Variants in KIRREL1 observed in about 807,000 individuals in gnomAD.
KIRREL1 encodes the protein kirre like nephrin family adhesion molecule 1.
Under a neutral mutation model 83.3 loss-of-function variants are expected in KIRREL1, and 25 were observed. The observed-to-expected ratio is 0.30, with a 90% confidence interval of 0.22 to 0.42. The LOEUF (loss-of-function observed/expected upper bound fraction) is 0.42, where lower values mean the gene tolerates loss of function less well. Among genes scored for constraint, KIRREL1 ranks in the 10% least tolerant of loss-of-function variants. KIRREL1 has a pLI of 1.00. For missense variants in KIRREL1, 812 were observed against 1,032.3 expected (o/e 0.79, Z 2.92); for synonymous variants, 388 against 410.4 (o/e 0.95, Z 0.66).
intron 1 of KIRREL1, among the ~76,000 whole-genome samples, chr1:158,068,501 T>C (rs1304254702): frequency 6.6e-6 from 1 of 152,226 alleles, no homozygotes; most frequent in Non-Finnish European, 1.5e-5. Flanking sequence ...CCGCAGTAGC[T>C]GGGCAGGCAC....
At chr1:158,026,504 A>C (rs1557993747) in intron 1 of KIRREL1, among the ~76,000 whole-genome samples, 1 of 152,206 alleles carries the variant, frequency 6.6e-6, no homozygotes. Context: ...GGAAAAGTGG[A>C]AACAACATGG....
At chr1:158,082,972 A>T (rs1380890585) in intron 3 of KIRREL1, among the ~76,000 whole-genome samples, 1 of 152,104 alleles carries the variant, frequency 6.6e-6, no homozygotes, top group Admixed American at 6.5e-5. Context: ...CCTTTATTTC[A>T]TCAGTATCCA....
In KIRREL1 at chr1:158,091,465, T is replaced by C. The variant is rs778182648; in HGVS notation, c.1380T>C (p.Asn460=). The C allele has an allele frequency of 6.2e-7, 1 of 1,614,192 alleles. No homozygotes were observed. Among genetic ancestry groups the C allele is most frequent in the Non-Finnish European group, 8.5e-7 (1 of 1,180,026 alleles). Residue 460 remains asparagine, a synonymous_variant, in exon 11 of 15, where the codon AAT becomes AAC. Coordinates refer to ENST00000359209, the MANE Select transcript of KIRREL1 (RefSeq NM_018240.7). Reference sequence around the variant, plus strand: ...TGCTATCCACGCTCACCATCAACAATGTCATGGAGGCCGACTTTCAGACTC... The same window carrying C: ...TGCTATCCACGCTCACCATCAACAACGTCATGGAGGCCGACTTTCAGACTC... The part of the protein sequence containing the change: ...SGVLSTLTIN[N]VMEADFQTHY...
Position 158,018,476 on chromosome 1 carries a change from G to A in KIRREL1, c.52+24748G>A, listed in dbSNP as rs117107447. On this transcript the variant is annotated intron_variant, in intron 1 of 14. Transcript: ENST00000359209. Reference sequence around the variant, plus strand: ...GGCCATGGAGCCAGGAGGCATCAGAGCGTGAGATGGTGCCAACCTGGGAAT... The same window carrying A: ...GGCCATGGAGCCAGGAGGCATCAGAACGTGAGATGGTGCCAACCTGGGAAT... Among the ~76,000 whole-genome samples the A allele has an allele frequency of 5.8e-4, 88 of 152,362 alleles. 1 individual carries two copies. The East Asian group carries it at 0.012, about 21-fold the overall frequency.
At chr1:158,086,478 A>G (rs1662017765) in intron 4 of KIRREL1, 118 bp from the exon 5 acceptor site, 1 of 927,470 alleles carries the variant, frequency 1.1e-6, no homozygotes, top group Non-Finnish European at 1.6e-6. Context: ...AGTGAAGGGG[A>G]TTGAGCTTTA....
At chr1:158,014,359 TA>T (rs1398085316) in intron 1 of KIRREL1, among the ~76,000 whole-genome samples, 1 of 151,928 alleles carries the variant, frequency 6.6e-6, no homozygotes, top group East Asian at 1.9e-4. Flanking sequence ...GAAAACCCAA[TA>T]GGGGTAAATG....
Position 158,078,083 on chromosome 1 carries a change from G to A in KIRREL1, c.295G>A (p.Glu99Lys), listed in dbSNP as rs1248044294. Residue 99 changes from glutamate to lysine, a missense_variant, in exon 3 of 15, where the codon GAG becomes AAG. Physicochemically the swap from Glu to Lys is moderately conservative, Grantham distance 56. Coordinates refer to ENST00000359209, the MANE Select transcript of KIRREL1 (RefSeq NM_018240.7). ...DAELSDDASY[E>K]CQATEAALRS... ...TGAGCTCTCTGACGACGCCTCTTAC[G>A]AGTGCCAGGCCACGGAGGCCGCCCT... is the stretch of plus-strand genomic sequence containing the variant. 2 of 1,614,112 alleles carry A rather than the reference G, an allele frequency of 1.2e-6. No individual in the cohort carries two copies. The highest frequency in any genetic ancestry group is 1.7e-6 in the Non-Finnish European group (2 of 1,180,026).
At chr1:158,013,531 C>T (rs1160800047) in intron 1 of KIRREL1, among the ~76,000 whole-genome samples, 1 of 152,238 alleles carries the variant, frequency 6.6e-6, no homozygotes, top group Non-Finnish European at 1.5e-5. Flanking sequence ...CCCCATGCCC[C>T]ACAGTAGCTC....
rs957828191 is a variant in KIRREL1 at position 158,099,731 on chromosome 1, A to G, written c.*4611A>G. The G allele has an allele frequency of 1.3e-5, 2 of 152,066 alleles. No individual in the cohort carries two copies. The highest frequency in any genetic ancestry group is 6.6e-5 in the Admixed American group (1 of 15,258). 9.4% of individuals were successfully genotyped at this position (152,066 alleles called of 1,614,324 possible). ...CTACCCTGGTTTTTTGCTGGCCCCA[A>G]CCACTGGCCTTGTTGAGTATCGATG... On this transcript the variant is annotated 3_prime_UTR_variant, in exon 15 of 15. Transcript: ENST00000359209.
chr1:158,015,089 T>A (rs1373981409), intron 1 of KIRREL1, among the ~76,000 whole-genome samples: 2 of 152,170 alleles, frequency 1.3e-5, no homozygotes, highest in Non-Finnish European at 2.9e-5. Context: ...TTTTGTTTTT[T>A]AAATGAGTTT....
chr1:158,021,770 T>G (rs1478756645), intron 1 of KIRREL1, among the ~76,000 whole-genome samples: 1 of 151,924 alleles, frequency 6.6e-6, no homozygotes, highest in African/African-American at 2.4e-5. Context: ...ACAAAAGGGG[T>G]TTTTTTGGTT....
intron 3 of KIRREL1, among the ~76,000 whole-genome samples, chr1:158,079,309 T>G (rs746334504): frequency 2.0e-5 from 3 of 152,052 alleles, no homozygotes; most frequent in Non-Finnish European, 2.9e-5. Context: ...CTGTTGTTTG[T>G]TTGGTTGGTT....
intron 1 of KIRREL1, among the ~76,000 whole-genome samples, chr1:157,998,550 T>C (rs1232221614): frequency 3.3e-5 from 5 of 152,152 alleles, no homozygotes; most frequent in African/African-American, 1.2e-4. Flanking sequence ...AACTACAAAT[T>C]TGGGAATTAT....
chr1:158,005,526 G>A (rs901098557), intron 1 of KIRREL1, among the ~76,000 whole-genome samples: 1 of 147,304 alleles, frequency 6.8e-6, no homozygotes, highest in African/African-American at 2.5e-5. Flanking sequence ...CATCCATATC[G>A]GAGCCAGTCA....
chr1:158,058,538 G>A (rs1401734430), intron 1 of KIRREL1, among the ~76,000 whole-genome samples: 1 of 152,080 alleles, frequency 6.6e-6, no homozygotes, highest in African/African-American at 2.4e-5. Flanking sequence ...GATGTTGGCA[G>A]CCAGCCAGAA....
chr1:158,076,277 A>G lies in KIRREL1; in HGVS notation c.202+15A>G. 8 of 1,612,054 alleles carry G rather than the reference A, an allele frequency of 5.0e-6. No individual in the cohort carries two copies. The highest frequency in any genetic ancestry group is 6.8e-6 in the Non-Finnish European group (8 of 1,178,562). On this transcript the variant is annotated intron_variant, in intron 2 of 14. Coordinates refer to ENST00000359209, the MANE Select transcript of KIRREL1 (RefSeq NM_018240.7). ...GGGCCTCAAAGGTGAGTGCCTGGCT[A>G]CCCAACGTCCAAACTGTCCCATCTT...
chr1:158,020,032 C>T (rs7540841), intron 1 of KIRREL1, among the ~76,000 whole-genome samples: 1 of 152,140 alleles, frequency 6.6e-6, no homozygotes, highest in African/African-American at 2.4e-5. Flanking sequence ...AAGGAAGTTG[C>T]TTTAGGAGCA....
intron 10 of KIRREL1, among the ~76,000 whole-genome samples, chr1:158,090,725 C>T (rs3768540): frequency 0.54 from 82,622 of 152,142 alleles, 25,696 homozygotes; most frequent in East Asian, 0.73. Context: ...GGATCAGTCT[C>T]AGAGCCAGCC....
chr1:158,084,646 G>C, intron 4 of KIRREL1, 67 bp downstream of exon 4: 17 of 1,497,968 alleles, frequency 1.1e-5, no homozygotes, highest in Non-Finnish European at 1.5e-5. Flanking sequence ...TTTCCCACAG[G>C]GGTTTCACCA....
Sources: gnomAD v4.1 joint callset for allele counts (sites outside exome capture counted in the v4.1 genomes callset) on GRCh38, gnomAD v4.1.1 for gene constraint, MANE v1.5 for transcripts, NCBI Gene and HGNC (gene_info 2026-07-23, HGNC 2026-07-21) for gene names.